The following HAO1 variants were observed in gnomAD, a reference collection of about 807,000 sequenced individuals.
HAO1 encodes 2-Hydroxyacid oxidase 1.
HAO1 carries 34 observed loss-of-function variants against 39.7 expected under a neutral mutation model. That is an observed-to-expected ratio of 0.86 (90% CI 0.65 to 1.14). The LOEUF (loss-of-function observed/expected upper bound fraction) is 1.14. HAO1 is among the 50% of genes most tolerant of loss of function. The pLI, the probability that HAO1 is intolerant of heterozygous loss-of-function variation, is 0.00. For missense variants in HAO1, 479 were observed against 464.5 expected, an observed-to-expected ratio of 1.03 and a Z score of -0.29; for synonymous variants, 172 against 173.2, an observed-to-expected ratio of 0.99 and a Z score of 0.05.
At chr20:7,916,104 A>G (rs530771461) in intron 2 of HAO1, among the ~76,000 whole-genome samples, 46 of 152,182 alleles carry the variant, frequency 3.0e-4, no homozygotes, top group Non-Finnish European at 6.2e-4. Context: ...AAATAGAGTC[A>G]TCTAACTAAT....
At chr20:7,933,166 C>T (rs553941376) in intron 2 of HAO1, among the ~76,000 whole-genome samples, 2 of 152,156 alleles carry the variant, frequency 1.3e-5, no homozygotes, top group East Asian at 3.9e-4. Context: ...ACTTATTTCT[C>T]TTTTTCCCTT....
chr20:7,898,883 G>A (rs1397895723), intron 4 of HAO1, among the ~76,000 whole-genome samples: 1 of 151,080 alleles, frequency 6.6e-6, no homozygotes, highest in Non-Finnish European at 1.5e-5. Context: ...ATAATATTCT[G>A]AATTGGTGTG....
At chr20:7,932,181 T>C (rs954830457) in intron 2 of HAO1, among the ~76,000 whole-genome samples, 12 of 152,166 alleles carry the variant, frequency 7.9e-5, no homozygotes, top group Non-Finnish European at 1.8e-4. Context: ...TCCTTCCCCT[T>C]TGCCTTCCAC....
At chr20:7,885,405 T>A in intron 7 of HAO1, 116 bp downstream of exon 7, 3 of 708,914 alleles carry the variant, frequency 4.2e-6, no homozygotes, top group Admixed American at 2.4e-5. Context: ...CAACGTCAAA[T>A]TTAATGTACT....
rs1568514558 is a variant in HAO1 at position 7,909,383 on chromosome 20, A to ATATATATATATATATATATATATG, written c.546-3055_546-3054insCATATATATATATATATATATATA. Among the ~76,000 whole-genome samples, 84 of 124,766 alleles carry ATATATATATATATATATATATATG rather than the reference A, an allele frequency of 6.7e-4. 1 individual carries two copies. Among genetic ancestry groups the ATATATATATATATATATATATATG allele is most frequent in the African/African-American group, 2.7e-3 (78 of 29,124 alleles). 81.9% of individuals were successfully genotyped at this position (124,766 alleles called of 152,430 possible). On this transcript the variant is annotated intron_variant, in intron 3 of 7. Transcript: ENST00000378789. ...GACATATATATATATATATATGTAT[A>ATATATATATATATATATATATATG]TATATATATATATATATATATGCTT...
intron 5 of HAO1, among the ~76,000 whole-genome samples, chr20:7,887,551 G>A (rs2050156248): frequency 6.6e-6 from 1 of 152,050 alleles, no homozygotes; most frequent in Admixed American, 6.6e-5. Context: ...ATTTACATAT[G>A]TCCCTTTTCC....
chr20:7,902,256 T>C (rs1419911599), intron 4 of HAO1, among the ~76,000 whole-genome samples: 1 of 152,224 alleles, frequency 6.6e-6, no homozygotes, highest in Non-Finnish European at 1.5e-5. Flanking sequence ...CAGAGAAATC[T>C]TTCCTGAAAG....
intron 1 of HAO1, among the ~76,000 whole-genome samples, chr20:7,936,541 TGTGTGTTCGC>T (rs1312054237): frequency 3.2e-4 from 47 of 147,976 alleles, no homozygotes; most frequent in African/African-American, 1.1e-3. Context: ...TGTGTGTGTG[TGTGTGTTCGC>T]GCGCGCGCGC....
Position 7,939,971 on chromosome 20 carries a change from T to A in HAO1, c.137+315A>T, listed in dbSNP as rs536590854. On this transcript the variant is annotated intron_variant, in intron 1 of 7. Transcript: ENST00000378789. The stretch of plus-strand genomic sequence containing the variant: ...ACACCATGAACATAAGCATTTACTG[T>A]CATACTAAGAAAAAGAAAAGTCATC... Among the ~76,000 whole-genome samples the A allele has an allele frequency of 3.3e-5, 5 of 152,348 alleles. No individual in the cohort carries two copies. The South Asian group carries it at 1.0e-3, about 32-fold the overall frequency.
intron 4 of HAO1, 85 bp downstream of exon 4, chr20:7,906,069 T>G (rs939240254): frequency 1.3e-5 from 12 of 936,640 alleles, no homozygotes; most frequent in African/African-American, 3.3e-5. Context: ...TAATTTTTCC[T>G]TGTTATTTTC....
At chr20:7,891,609 C>G (rs1328990924) in intron 5 of HAO1, among the ~76,000 whole-genome samples, 1 of 152,144 alleles carries the variant, frequency 6.6e-6, no homozygotes, top group African/African-American at 2.4e-5. Context: ...GTCATGAAAT[C>G]ATTCCCTAAA....
At chr20:7,888,037 C>T (rs972367842) in intron 5 of HAO1, among the ~76,000 whole-genome samples, 2 of 152,146 alleles carry the variant, frequency 1.3e-5, no homozygotes, top group Non-Finnish European at 2.9e-5. Context: ...GCTTTCTATA[C>T]ATCTGTGAGA....
chr20:7,917,060 C>A (rs1273648783), intron 2 of HAO1, among the ~76,000 whole-genome samples: 1 of 152,088 alleles, frequency 6.6e-6, no homozygotes, highest in Non-Finnish European at 1.5e-5. Flanking sequence ...TATGTCCTGG[C>A]CAGGGTTGGT....
Position 7,914,199 on chromosome 20 carries a change from A to T in HAO1, c.510T>A (p.Asp170Glu). 2 of 1,614,052 alleles carry T rather than the reference A, an allele frequency of 1.2e-6. No individual in the cohort carries two copies. The highest frequency in any genetic ancestry group is 1.7e-5 in the Admixed American group (1 of 60,016). ...GCGGCAGTTTGAATCTGTTACGCAC[A>T]TCATCCAGACGGTTGCCCAGGTAAG... ...DTPYLGNRLDDVRNRFKLPPQ... is the reference protein window; with the variant it reads ...DTPYLGNRLDEVRNRFKLPPQ... The change falls in exon 3 of 8, where the codon GAT (aspartate) becomes GAA (glutamate). Residue 170 changes from aspartate to glutamate, a missense_variant. By Grantham distance (45) the Asp-to-Glu change is conservative. Transcript: ENST00000378789.
intron 4 of HAO1, among the ~76,000 whole-genome samples, chr20:7,903,481 T>C (rs1394962752): frequency 6.6e-6 from 1 of 151,908 alleles, no homozygotes; most frequent in Non-Finnish European, 1.5e-5. Context: ...GTCATGGTGG[T>C]CATGGTGGTG....
chr20:7,934,134 T>G (rs761666906), intron 2 of HAO1, among the ~76,000 whole-genome samples: 28 of 152,212 alleles, frequency 1.8e-4, no homozygotes, highest in Non-Finnish European at 3.5e-4. Context: ...GAGACAGTAC[T>G]ATTAATACCC....
At chr20:7,904,628 T>C (rs1002558658) in intron 4 of HAO1, among the ~76,000 whole-genome samples, 1 of 152,168 alleles carries the variant, frequency 6.6e-6, no homozygotes, top group Non-Finnish European at 1.5e-5. Context: ...TAGATTTCTA[T>C]GCAACATTTT....
chr20:7,914,386 C>G lies in HAO1; in HGVS notation c.323G>C (p.Ser108Thr). 6.2e-7 allele frequency: 1 copy of G among 1,613,950 alleles called. No individual in the cohort carries two copies. Among genetic ancestry groups the G allele is most frequent in the Non-Finnish European group, 8.5e-7 (1 of 1,179,948 alleles). ...CQSLGTGMML[S>T]SWATSSIEEV... ...TTCAATTGAGGAGGTGGCCCAGGAA[C>G]TCAACATCATGCCCGTTCCCAGGGA... The change falls in exon 3 of 8, where the codon AGT (serine) becomes ACT (threonine). Residue 108 changes from serine to threonine, a missense_variant. Ser to Thr is a moderately conservative substitution (Grantham distance 58). Coordinates refer to ENST00000378789, the MANE Select transcript of HAO1 (RefSeq NM_017545.3).
chr20:7,908,520 T>C (rs1252662934), intron 3 of HAO1, among the ~76,000 whole-genome samples: 1 of 152,224 alleles, frequency 6.6e-6, no homozygotes, highest in Non-Finnish European at 1.5e-5. Context: ...GTATTTTAGC[T>C]AACACAGCTG....
Sources: allele counts gnomAD v4.1 joint callset (sites outside exome capture counted in the v4.1 genomes callset), GRCh38; gene constraint gnomAD v4.1.1; transcripts MANE v1.5; gene names NCBI Gene and HGNC (gene_info 2026-07-23, HGNC 2026-07-21).